Variants in RTCA observed in about 807,000 individuals in gnomAD.
The protein encoded by RTCA is RNA 3'-terminal phosphate cyclase.
Under a neutral mutation model 46.1 loss-of-function variants are expected in RTCA, and 37 were observed. The observed-to-expected ratio is 0.80, with a 90% CI of 0.62 to 1.06. The LOEUF (loss-of-function observed/expected upper bound fraction) is 1.06, where lower values mean the gene tolerates loss of function less well. Ranked by LOEUF, RTCA falls within the 50% of genes least tolerant of loss-of-function variation. The probability of loss-of-function intolerance (pLI) is 0.00; values close to 1 mark genes in which losing one functional copy is unlikely to be tolerated. For synonymous variants in RTCA, 164 were observed against 158.3 expected (o/e 1.04, Z -0.27); for missense variants, 435 against 455.5 (o/e 0.95, Z 0.41).
rs571696209 is a variant in RTCA at position 100,278,393 on chromosome 1, T to C, written c.799+1077T>C. On this transcript the variant is annotated intron_variant, in intron 8 of 10. Coordinates refer to ENST00000370128, the MANE Select transcript of RTCA (RefSeq NM_003729.4). Reference sequence around the variant, plus strand: ...GTTTGTTAATATTTAAAGTTACTTTTACCAATCAGGCAACTTTTAGGTGAA... The same window carrying C: ...GTTTGTTAATATTTAAAGTTACTTTCACCAATCAGGCAACTTTTAGGTGAA... 4.6e-5 allele frequency among the ~76,000 whole-genome samples: 7 copies of C among 152,360 alleles called. No homozygotes were observed. The South Asian group carries it at 8.3e-4, about 18-fold the overall frequency.
chr1:100,291,705 TTGG>T lies in RTCA; in HGVS notation c.*205_*207del. ...TGAGAGATGGACAATGAAATATCAG[TTGG>T]TGGATATGTGTGATAGCTGATTTCA... On this transcript the variant is annotated 3_prime_UTR_variant, in exon 11 of 11. Transcript: ENST00000370128. The T allele has an allele frequency of 2.8e-6, 1 of 358,736 alleles. No individual in the cohort carries two copies. Among genetic ancestry groups the T allele is most frequent in the Non-Finnish European group, 5.0e-6 (1 of 200,046 alleles). The allele number at this position is 358,736 out of a possible 1,614,324, so 22.2% of individuals were successfully genotyped here.
chr1:100,268,463 A>C (rs1665905965), intron 3 of RTCA, among the ~76,000 whole-genome samples, 168 bp downstream of exon 3: 1 of 151,602 alleles, frequency 6.6e-6, no homozygotes, highest in Admixed American at 6.6e-5. Flanking sequence ...TGGTGCAATC[A>C]CTGCTCACTG....
chr1:100,288,132 C>T (rs925280539), intron 10 of RTCA, among the ~76,000 whole-genome samples: 2 of 152,114 alleles, frequency 1.3e-5, no homozygotes, highest in Non-Finnish European at 2.9e-5. Flanking sequence ...TATATTTCAT[C>T]ATGAAACTAA....
At position 100,268,473 on chromosome 1, in the gene RTCA, G is replaced by T. The variant is rs528582022; in HGVS notation, c.290+178G>T. On this transcript the variant is annotated intron_variant, in intron 3 of 10. Transcript: ENST00000370128. ...TGCAGTGGTGCAATCACTGCTCACT[G>T]TAAGCTGTAACTCCTGGGCCCAACA... Among the ~76,000 whole-genome samples the T allele has an allele frequency of 2.6e-5, 4 of 151,768 alleles. No individual in the cohort carries two copies. In the South Asian group the frequency reaches 8.3e-4, roughly 32 times the overall value.
At position 100,275,852 on chromosome 1, in the gene RTCA, T is replaced by C. The variant is rs186495067; in HGVS notation, c.740+129T>C. On this transcript the variant is annotated intron_variant, in intron 7 of 10. Coordinates refer to ENST00000370128, the MANE Select transcript of RTCA (RefSeq NM_003729.4). Reference sequence around the variant, plus strand: ...AAGTATTTATTTATTTATTTATTTATTGAGGTGGAGTCTCGCTCTGTTGTC... The same window carrying C: ...AAGTATTTATTTATTTATTTATTTACTGAGGTGGAGTCTCGCTCTGTTGTC... 2.7e-5 allele frequency: 22 copies of C among 814,778 alleles called. No homozygotes were observed. The Admixed American group carries it at 5.7e-4, about 21-fold the overall frequency. The allele number at this position is 814,778 out of a possible 1,614,324, so 50.5% of individuals were successfully genotyped here.
chr1:100,281,334 A>C, intron 8 of RTCA: 1 of 532,156 alleles, frequency 1.9e-6, no homozygotes, highest in Non-Finnish European at 3.9e-6. Context: ...GAGAGCACTA[A>C]ACAGAGAGTG....
intron 2 of RTCA, 112 bp from the exon 3 acceptor site, chr1:100,268,040 G>A: frequency 6.8e-7 from 1 of 1,460,160 alleles, no homozygotes; most frequent in African/African-American, 1.4e-5. Flanking sequence ...GGCACTTACT[G>A]TGGTTAGACC....
At chr1:100,288,750 C>G (rs1667167914) in intron 10 of RTCA, among the ~76,000 whole-genome samples, 1 of 152,052 alleles carries the variant, frequency 6.6e-6, no homozygotes, top group Non-Finnish European at 1.5e-5. Context: ...AAAAATTAAT[C>G]ATTACAGAAG....
At chr1:100,268,561 A>G (rs1226934511) in intron 3 of RTCA, among the ~76,000 whole-genome samples, 1 of 151,970 alleles carries the variant, frequency 6.6e-6, no homozygotes, top group Non-Finnish European at 1.5e-5. Context: ...ATGCCCCGCT[A>G]ATTTTTGTAT....
intron 4 of RTCA, 135 bp downstream of exon 4, chr1:100,270,815 C>CTT (rs112244213): frequency 4.8e-4 from 430 of 901,198 alleles, no homozygotes; most frequent in African/African-American, 3.2e-3. Context: ...TTCTTTCTTT[C>CTT]TTTTTTTTTT....
At chr1:100,266,458 C>CT in intron 1 of RTCA, 38 bp downstream of exon 1, 1 of 1,607,864 alleles carries the variant, frequency 6.2e-7, no homozygotes, top group Non-Finnish European at 8.5e-7. Context: ...TGCAGCCTAA[C>CT]TAAGGAGGGG....
chr1:100,290,003 A>G (rs772511299), intron 10 of RTCA, among the ~76,000 whole-genome samples: 17 of 152,246 alleles, frequency 1.1e-4, no homozygotes, highest in Non-Finnish European at 2.5e-4. Context: ...TGAAAAATAT[A>G]TAAACGCATG....
intron 8 of RTCA, among the ~76,000 whole-genome samples, chr1:100,277,690 T>C (rs542826082): frequency 6.6e-6 from 1 of 152,312 alleles, no homozygotes; most frequent in African/African-American, 2.4e-5. Flanking sequence ...TACATAATTA[T>C]AATACCATTT....
rs758781864 is a variant in RTCA at position 100,266,433 on chromosome 1, C to A, written c.45+13C>A. 1.2e-6 allele frequency: 2 copies of A among 1,610,564 alleles called. No homozygotes were observed. Among genetic ancestry groups the A allele is most frequent in the East Asian group, 4.5e-5 (2 of 44,762 alleles). Reference sequence around the variant, plus strand: ...CATCATGGAAGGGGTGAGTACAGAGCGAAGCGGCCGGGGCTGCAGCCTAAC... The same window carrying A: ...CATCATGGAAGGGGTGAGTACAGAGAGAAGCGGCCGGGGCTGCAGCCTAAC... On this transcript the variant is annotated intron_variant, in intron 1 of 10. Coordinates refer to ENST00000370128, the MANE Select transcript of RTCA (RefSeq NM_003729.4).
At chr1:100,266,699 G>A (rs1665799313) in intron 2 of RTCA, 75 bp downstream of exon 2, 3 of 1,276,600 alleles carry the variant, frequency 2.3e-6, no homozygotes, top group Admixed American at 2.0e-5. Flanking sequence ...CTGGGGCATC[G>A]GGAGTCCGAG....
chr1:100,281,635 A>G (rs4480382), intron 8 of RTCA, among the ~76,000 whole-genome samples: 150,986 of 152,326 alleles, frequency 0.99, 74,846 homozygotes, highest in Middle Eastern at 1. Context: ...TTTCCTTTGT[A>G]TAGTAATTGC....
intron 8 of RTCA, among the ~76,000 whole-genome samples, chr1:100,280,281 G>T (rs745314914): frequency 2.0e-5 from 3 of 152,104 alleles, no homozygotes; most frequent in African/African-American, 7.2e-5. Flanking sequence ...GATATGCTGC[G>T]TTGAGATTGA....
chr1:100,282,698 C>T (rs1666778254), intron 8 of RTCA, among the ~76,000 whole-genome samples: 1 of 142,538 alleles, frequency 7.0e-6, no homozygotes, highest in Non-Finnish European at 1.5e-5. Context: ...TTTCAAGTGG[C>T]AGTATGCCAC....
In RTCA at chr1:100,273,430, T is replaced by G; in HGVS notation, c.451T>G (p.Phe151Val). 1 of 1,585,314 alleles carries G rather than the reference T, an allele frequency of 6.3e-7. No homozygotes were observed. The highest frequency in any genetic ancestry group is 8.6e-7 in the Non-Finnish European group (1 of 1,163,902). ...AATTGTTGAAAAATTTGGTTTCATATTTAATTGTGACATTAAAACAAGGTA... is the reference window on the plus strand; with the variant it reads ...AATTGTTGAAAAATTTGGTTTCATAGTTAATTGTGACATTAAAACAAGGTA... ...KPIVEKFGFI[F>V]NCDIKTRGYY... The change falls in exon 5 of 11, where the codon TTT becomes GTT. Residue 151 changes from phenylalanine (F) to valine (V), a missense_variant. Phe to Val is a conservative substitution (Grantham distance 50). Coordinates refer to ENST00000370128, the MANE Select transcript of RTCA (RefSeq NM_003729.4).
Sources: allele counts gnomAD v4.1 joint callset (sites outside exome capture counted in the v4.1 genomes callset), GRCh38; gene constraint gnomAD v4.1.1; transcripts MANE v1.5; gene names NCBI Gene and HGNC (gene_info 2026-07-23, HGNC 2026-07-21).